LRP1: variants seen among roughly 807,000 people sequenced by gnomAD.
The protein encoded by LRP1 is LDL receptor related protein 1, also known as prolow-density lipoprotein receptor-related protein 1.
In LRP1, 51 loss-of-function variants were observed where a neutral mutation model predicts 541.5. The observed-to-expected ratio is 0.09, with a 90% confidence interval of 0.08 to 0.12. LRP1 has a LOEUF of 0.12. LRP1 is among the 10% of genes least tolerant of loss of function. The pLI, the probability that LRP1 is intolerant of heterozygous loss-of-function variation, is 1.00. For missense variants in LRP1, 3,878 were observed against 6,376.2 expected, an observed-to-expected ratio of 0.61 and a Z score of 13.34; for synonymous variants, 2,219 against 2,470.8, an observed-to-expected ratio of 0.90 and a Z score of 3.02.
rs202215750 is a variant in LRP1, at chr12:57,211,468, C to A, written c.13092-19C>A. On this transcript the variant is annotated intron_variant, in intron 84 of 88. Transcript: ENST00000243077. This position sits in a 1 kb window ranked among gnomAD's most constrained non-coding sequence, Gnocchi z 4.3. ...CGCCTCTGCCAGCCCCAGCCCCAGC[C>A]TCTGATTCCTTCCTGCAGCTGCACG... 5.5e-5 allele frequency: 89 copies of A among 1,612,982 alleles called. No individual in the cohort carries two copies. In the East Asian group the frequency reaches 1.8e-3, roughly 32 times the overall value.
chr12:57,131,667 G>A (rs2035042145), intron 1 of LRP1, among the ~76,000 whole-genome samples: 1 of 152,182 alleles, frequency 6.6e-6, no homozygotes, highest in Non-Finnish European at 1.5e-5. Context: ...GCAAGAATGT[G>A]TAAGAAATTC....
rs749644780 is a variant in LRP1 at position 57,165,977 on chromosome 12, A to G, written c.2671+32A>G. Reference sequence around the variant, plus strand: ...CACACGCCCTGCCCCACCCTGTTGGATGGCAGGCCTGCAGGGCAGCTCGGC... The same window carrying G: ...CACACGCCCTGCCCCACCCTGTTGGGTGGCAGGCCTGCAGGGCAGCTCGGC... On this transcript the variant is annotated intron_variant, in intron 16 of 88. Coordinates refer to ENST00000243077, the MANE Select transcript of LRP1 (RefSeq NM_002332.3). This position sits in a 1 kb window ranked among gnomAD's most constrained non-coding sequence, Gnocchi z 4.5. 8.1e-6 allele frequency: 13 copies of G among 1,612,848 alleles called. No homozygotes were observed. In the East Asian group the frequency reaches 1.8e-4, roughly 22 times the overall value.
intron 1 of LRP1, among the ~76,000 whole-genome samples, chr12:57,132,494 T>C (rs528185506): frequency 6.6e-6 from 1 of 152,160 alleles, no homozygotes; most frequent in Admixed American, 6.5e-5. Context: ...ATAGGACAGA[T>C]CTTGCTCCCA....
chr12:57,207,335 A>G (rs1387702846), intron 76 of LRP1, among the ~76,000 whole-genome samples: 1 of 149,984 alleles, frequency 6.7e-6, no homozygotes, highest in African/African-American at 2.4e-5. Context: ...AATAAAATAA[A>G]ATAAAAATAC....
At position 57,199,357 on chromosome 12, in the gene LRP1, G is replaced by T; in HGVS notation, c.9822G>T (p.Arg3274=). 1.9e-6 allele frequency: 3 copies of T among 1,612,716 alleles called. No individual in the cohort carries two copies. The highest frequency in any genetic ancestry group is 1.7e-6 in the Non-Finnish European group (2 of 1,179,786). Residue 3274 remains arginine, a synonymous_variant, in exon 61 of 89, where the codon CGG becomes CGT. Coordinates refer to ENST00000243077, the MANE Select transcript of LRP1 (RefSeq NM_002332.3). ...CGCTCCTCATCAGCACGCTGCACCG[G>T]CCCATGGACCTGCATGTCTTCCATG... ...NKTLLISTLH[R]PMDLHVFHAL...
rs1002476041 is a variant in LRP1, at chr12:57,173,782, C to G, written c.3349C>G (p.Arg1117Gly). ...SVKFGCKDSA[R>G]CISKAWVCDG... Reference sequence around the variant, plus strand: ...CTCATAGTGCACCTGTCCCTCAGCTCGGTGCATCAGCAAAGCGTGGGTGTG... The same window carrying G: ...CTCATAGTGCACCTGTCCCTCAGCTGGGTGCATCAGCAAAGCGTGGGTGTG... Residue 1117 changes from arginine (R) to glycine (G), a missense_variant and splice_region_variant, in exon 22 of 89, where the codon CGG becomes GGG. Transcript: ENST00000243077. This position sits in a 1 kb window ranked among gnomAD's most constrained non-coding sequence, Gnocchi z 4.7. 6.2e-7 allele frequency: 1 copy of G among 1,614,078 alleles called. No homozygotes were observed. The highest frequency in any genetic ancestry group is 1.1e-5 in the South Asian group (1 of 91,074).
intron 46 of LRP1, 72 bp from the exon 47 acceptor site, chr12:57,193,494 G>A: frequency 6.4e-7 from 1 of 1,573,596 alleles, no homozygotes. Flanking sequence ...CTGGACACGT[G>A]CATGACGTCT....
Position 57,204,801 on chromosome 12 carries a change from G to A in LRP1, c.11194+52G>A, listed in dbSNP as rs776436253. 2 of 1,604,016 alleles carry A rather than the reference G, an allele frequency of 1.2e-6. No individual in the cohort carries two copies. The highest frequency in any genetic ancestry group is 1.3e-5 in the African/African-American group (1 of 74,760). ...GCAGGGGACGGGTAGTGCACAGTGG[G>A]GTGAGTCTGGTCCTCGTGGGAGCTG... On this transcript the variant is annotated intron_variant, in intron 72 of 88. Transcript: ENST00000243077. This position sits in a 1 kb window ranked among gnomAD's most constrained non-coding sequence, Gnocchi z 5.3.
Position 57,168,754 on chromosome 12 carries a change from C to T in LRP1, c.2996-386C>T, listed in dbSNP as rs1428390625. Among the ~76,000 whole-genome samples, 10 of 152,334 alleles carry T rather than the reference C, an allele frequency of 6.6e-5. No homozygotes were observed. In the South Asian group the frequency reaches 1.7e-3, roughly 25 times the overall value. On this transcript the variant is annotated intron_variant, in intron 19 of 88. Transcript: ENST00000243077. ...CAGGGCAGGCCTGTAAAGCTTGTCT[C>T]AAGCCGGCCACGCCTGCACCCCACC...
intron 1 of LRP1, among the ~76,000 whole-genome samples, chr12:57,132,465 G>A (rs564564977): frequency 2.0e-5 from 3 of 152,260 alleles, no homozygotes; most frequent in South Asian, 2.1e-4. Flanking sequence ...GCCTAGGGCC[G>A]AGACTCTGTC....
At position 57,128,528 on chromosome 12, in the gene LRP1, G is replaced by A. The variant is rs2034961609; in HGVS notation, c.-437G>A. The A allele has an allele frequency of 2.9e-6, 1 of 345,646 alleles. No homozygotes were observed. The highest frequency in any genetic ancestry group is 5.2e-6 in the Non-Finnish European group (1 of 193,044). 21.4% of individuals were successfully genotyped at this position (345,646 alleles called of 1,614,324 possible). On this transcript the variant is annotated 5_prime_UTR_variant, in exon 1 of 89. The change abolishes the stop of an existing upstream ORF in the 5' untranslated region. Coordinates refer to ENST00000243077, the MANE Select transcript of LRP1 (RefSeq NM_002332.3). ...GGTGCGAGCTCCAGGCCCATGCACT[G>A]AGGAGGCGGAAACAAGGGGAGCCCC...
chr12:57,150,051 G>C, intron 6 of LRP1: 1 of 395,924 alleles, frequency 2.5e-6, no homozygotes, highest in Non-Finnish European at 4.6e-6. Context: ...TTTGTTCAAT[G>C]GATCAATACA....
chr12:57,129,030 C>A lies in LRP1; in HGVS notation c.66C>A (p.Asp22Glu), dbSNP rs1198675271. The A allele has an allele frequency of 1.9e-6, 3 of 1,551,348 alleles. No individual in the cohort carries two copies. The Admixed American group carries it at 5.9e-5, about 30-fold the overall frequency. The change falls in exon 1 of 89, where the codon GAC (aspartate) becomes GAA (glutamate). Residue 22 changes from aspartate to glutamate, a missense_variant and splice_region_variant. Physicochemically the swap from Asp to Glu is conservative, Grantham distance 45. Transcript: ENST00000243077. The part of the protein sequence containing the change: ...LLSALVAAAI[D>E]APKTCSPKQF... ...CAGCTCTGGTCGCGGCGGCTATCGACGGTGAGTGAGATTCCGCGTCCCCCT... is the reference window on the plus strand; with the variant it reads ...CAGCTCTGGTCGCGGCGGCTATCGAAGGTGAGTGAGATTCCGCGTCCCCCT...
At chr12:57,181,750 C>A in intron 34 of LRP1, among the ~76,000 whole-genome samples, 1 of 152,214 alleles carries the variant, frequency 6.6e-6, no homozygotes, top group Admixed American at 6.5e-5. Flanking sequence ...GGGGAAGAAA[C>A]AGAGGCGGTT....
intron 42 of LRP1, among the ~76,000 whole-genome samples, chr12:57,188,086 C>T (rs909511535): frequency 3.3e-5 from 5 of 152,144 alleles, no homozygotes; most frequent in African/African-American, 1.2e-4. Flanking sequence ...CAGGCCTGAG[C>T]CCAGCCAGGA....
At position 57,177,682 on chromosome 12, in the gene LRP1, A is replaced by T. The variant is rs566822841; in HGVS notation, c.4361+91A>T. 1.7e-5 allele frequency: 24 copies of T among 1,433,104 alleles called. No homozygotes were observed. The South Asian group carries it at 2.0e-4, about 12-fold the overall frequency. 88.8% of individuals were successfully genotyped at this position (1,433,104 alleles called of 1,614,324 possible). A position where few individuals can be genotyped will look rare whatever the true frequency, so the allele number is the denominator to read the frequency against. ...TGTGGTGATGAGGGTGATGAGAAGG[A>T]CCAAGGGATCTAGAACTAGGAACGG... On this transcript the variant is annotated intron_variant, in intron 26 of 88. Transcript: ENST00000243077. The surrounding 1 kb of genome is among the most constrained non-coding windows in gnomAD (Gnocchi z 6.8).
At position 57,179,247 on chromosome 12, in the gene LRP1, A is replaced by G. The variant is rs2036111517; in HGVS notation, c.4739-82A>G. ...GGGCCAGTAGCAAACAGACGGATCC[A>G]GAAGAAGGCAGGGCCTGAAACCGGA... On this transcript the variant is annotated intron_variant, in intron 28 of 88. Coordinates refer to ENST00000243077, the MANE Select transcript of LRP1 (RefSeq NM_002332.3). This position sits in a 1 kb window ranked among gnomAD's most constrained non-coding sequence, Gnocchi z 6.8. The G allele has an allele frequency of 7.9e-7, 1 of 1,263,060 alleles. No homozygotes were observed. Among genetic ancestry groups the G allele is most frequent in the East Asian group, 2.5e-5 (1 of 40,454 alleles). 78.2% of individuals were successfully genotyped at this position (1,263,060 alleles called of 1,614,324 possible).
intron 24 of LRP1, 60 bp from the exon 25 acceptor site, chr12:57,176,981 C>T: frequency 6.8e-7 from 1 of 1,462,284 alleles, no homozygotes; most frequent in Middle Eastern, 1.7e-4. Flanking sequence ...CCCAGGATTT[C>T]ACACATTCAT....
Position 57,158,658 on chromosome 12 carries a change from T to A in LRP1, c.1798+20T>A. The A allele has an allele frequency of 6.2e-7, 1 of 1,605,618 alleles. No homozygotes were observed. Among genetic ancestry groups the A allele is most frequent in the Non-Finnish European group, 8.5e-7 (1 of 1,172,686 alleles). On this transcript the variant is annotated intron_variant, in intron 11 of 88. Coordinates refer to ENST00000243077, the MANE Select transcript of LRP1 (RefSeq NM_002332.3). This position sits in a 1 kb window ranked among gnomAD's most constrained non-coding sequence, Gnocchi z 5.3. ...AGGACGGTATGGGCTCCTAGGGATGTGGCCCATGGGGATGGAAGGGGGCTG... is the reference window on the plus strand; with the variant it reads ...AGGACGGTATGGGCTCCTAGGGATGAGGCCCATGGGGATGGAAGGGGGCTG...
Sources: allele counts gnomAD v4.1 joint callset (sites outside exome capture counted in the v4.1 genomes callset), GRCh38; gene constraint gnomAD v4.1.1; non-coding constraint Gnocchi (gnomAD v3.1); transcripts MANE v1.5; gene names NCBI Gene and HGNC (gene_info 2026-07-23, HGNC 2026-07-21).